Variants in FMN1 observed in about 807,000 individuals in gnomAD.
FMN1 encodes the protein formin 1.
FMN1 carries 110 observed loss-of-function variants against 132.4 expected under a neutral mutation model. The ratio of observed to expected loss-of-function variants is 0.83; its 90% CI spans 0.71 to 0.97. The LOEUF (loss-of-function observed/expected upper bound fraction) is 0.97. Among genes scored for constraint, FMN1 ranks in the 50% least tolerant of loss-of-function variants. The pLI is 0.00. For synonymous variants in FMN1, 722 were observed against 651.7 expected (o/e 1.11, Z -1.64); for missense variants, 1,792 against 1,705.3 (o/e 1.05, Z -0.90).
intron 19 of FMN1, among the ~76,000 whole-genome samples, chr15:32,789,426 A>T (rs994501541): frequency 1.3e-5 from 2 of 152,178 alleles, no homozygotes; most frequent in African/African-American, 2.4e-5. Flanking sequence ...TTTAGATTAT[A>T]CCATTATGTA....
intron 6 of FMN1, among the ~76,000 whole-genome samples, chr15:33,055,224 C>T (rs2037163047): frequency 6.6e-6 from 1 of 152,172 alleles, no homozygotes; most frequent in Admixed American, 6.5e-5. Context: ...AACCCAGACA[C>T]TCCTCTCTAC....
At chr15:32,775,274 C>G (rs2056379738) in intron 20 of FMN1, among the ~76,000 whole-genome samples, 1 of 152,146 alleles carries the variant, frequency 6.6e-6, no homozygotes, top group Admixed American at 6.5e-5. Flanking sequence ...GAAATTGAAT[C>G]AGGAATCAGT....
At chr15:33,017,012 T>TACAC (rs1412626661) in intron 6 of FMN1, among the ~76,000 whole-genome samples, 2 of 152,198 alleles carry the variant, frequency 1.3e-5, no homozygotes, top group African/African-American at 4.8e-5. Flanking sequence ...TGCCCTTGTG[T>TACAC]GTGTGCAAAC....
chr15:33,163,170 T>C (rs1290568836), intron 3 of FMN1, among the ~76,000 whole-genome samples: 2 of 152,144 alleles, frequency 1.3e-5, no homozygotes, highest in Non-Finnish European at 2.9e-5. Context: ...GCAACTTTAG[T>C]AGAGTGAGAG....
intron 16 of FMN1, among the ~76,000 whole-genome samples, chr15:32,883,536 A>AAAAAAAAAAAAAAT: frequency 6.7e-6 from 1 of 148,228 alleles, no homozygotes; most frequent in Non-Finnish European, 1.5e-5. Context: ...AAAAAAAAAA[A>AAAAAAAAAAAAAAT]AAAAAAGAAT....
chr15:32,790,535 C>A (rs1595917167), intron 19 of FMN1, among the ~76,000 whole-genome samples: 1 of 152,318 alleles, frequency 6.6e-6, no homozygotes, highest in South Asian at 2.1e-4. Flanking sequence ...CTCTGGTATT[C>A]TGATTCAGTG....
intron 12 of FMN1, among the ~76,000 whole-genome samples, chr15:32,906,186 C>G (rs1174947278): frequency 7.2e-5 from 11 of 152,128 alleles, no homozygotes. Flanking sequence ...TCAGCCATTC[C>G]CATAGCTTAG....
chr15:32,909,035 C>T (rs567307986), intron 11 of FMN1, among the ~76,000 whole-genome samples: 26 of 152,248 alleles, frequency 1.7e-4, no homozygotes, highest in Non-Finnish European at 3.4e-4. Flanking sequence ...TTCCAAATTT[C>T]GTAAGCACTC....
At chr15:33,130,016 T>C (rs1963469336) in intron 4 of FMN1, among the ~76,000 whole-genome samples, 1 of 152,004 alleles carries the variant, frequency 6.6e-6, no homozygotes, top group Non-Finnish European at 1.5e-5. Context: ...GATGGTCTCA[T>C]CCATCGTGAT....
chr15:33,147,989 T>G (rs114493102), intron 4 of FMN1, among the ~76,000 whole-genome samples: 3,412 of 152,284 alleles, frequency 0.022, 132 homozygotes, highest in African/African-American at 0.078. Flanking sequence ...TTACCAGGAC[T>G]TCTAATTCAC....
chr15:33,132,746 T>C (rs2140230555), intron 4 of FMN1, among the ~76,000 whole-genome samples: 1 of 152,232 alleles, frequency 6.6e-6, no homozygotes, highest in East Asian at 1.9e-4. Context: ...TAATTTCCTT[T>C]TGTAATTTCA....
chr15:32,954,231 T>A lies in FMN1; in HGVS notation c.3138+9876A>T, dbSNP rs188487926. Among the ~76,000 whole-genome samples the A allele has an allele frequency of 1.0e-3, 159 of 152,298 alleles. 2 individuals are homozygous for A. Among genetic ancestry groups the A allele is most frequent in the African/African-American group, 3.8e-3 (156 of 41,548 alleles). On this transcript the variant is annotated intron_variant, in intron 9 of 20. Transcript: ENST00000616417. ...ACTCTCCAATATATATACCTTACAT[T>A]TGGGGGATTATTAAAATCAGAACAA...
chr15:32,920,034 A>C (rs1256877355), intron 10 of FMN1, among the ~76,000 whole-genome samples: 1 of 152,182 alleles, frequency 6.6e-6, no homozygotes, highest in Non-Finnish European at 1.5e-5. Flanking sequence ...AGGATGTTTT[A>C]TCTTGATGTT....
intron 6 of FMN1, among the ~76,000 whole-genome samples, chr15:33,008,696 G>A (rs2140947357): frequency 6.6e-6 from 1 of 152,212 alleles, no homozygotes; most frequent in East Asian, 1.9e-4. Flanking sequence ...TCAACAATAA[G>A]TCCCAAGTGT....
chr15:33,109,487 C>T (rs994739943), intron 4 of FMN1, among the ~76,000 whole-genome samples: 6 of 152,034 alleles, frequency 3.9e-5, no homozygotes, highest in Non-Finnish European at 7.4e-5. Flanking sequence ...GTATATATAA[C>T]ACCATGGAAT....
intron 10 of FMN1, among the ~76,000 whole-genome samples, chr15:32,918,708 G>C (rs184044969): frequency 2.0e-5 from 3 of 152,292 alleles, no homozygotes; most frequent in Non-Finnish European, 4.4e-5. Flanking sequence ...AGTGGAATGA[G>C]AAACAGTTTG....
At chr15:33,108,464 G>GA (rs1389491243) in intron 4 of FMN1, among the ~76,000 whole-genome samples, 9 of 151,786 alleles carry the variant, frequency 5.9e-5, no homozygotes, top group Admixed American at 1.3e-4. Flanking sequence ...TGCCCTCCAA[G>GA]AAAAAACAGC....
At chr15:33,076,105 G>A (rs555252396) in intron 5 of FMN1, among the ~76,000 whole-genome samples, 1 of 152,292 alleles carries the variant, frequency 6.6e-6, no homozygotes, top group East Asian at 1.9e-4. Context: ...TTCTGAAGCT[G>A]GGGGGCAGGG....
intron 5 of FMN1, among the ~76,000 whole-genome samples, chr15:33,080,509 T>C (rs946245021): frequency 1.1e-4 from 16 of 152,198 alleles, no homozygotes; most frequent in Non-Finnish European, 2.2e-4. Context: ...TCCCAGAACT[T>C]TGTGAGGCCA....
Sources: gnomAD v4.1 joint callset for allele counts (sites outside exome capture counted in the v4.1 genomes callset) on GRCh38, gnomAD v4.1.1 for gene constraint, MANE v1.5 for transcripts, NCBI Gene and HGNC (gene_info 2026-07-23, HGNC 2026-07-21) for gene names.